The following CTSH variants were observed in gnomAD, a reference collection of about 807,000 sequenced individuals.
The protein encoded by CTSH is cathepsin H, also known as pro-cathepsin H.
CTSH carries 52 observed loss-of-function variants against 56.3 expected under a neutral mutation model. The ratio of observed to expected loss-of-function variants is 0.92; its 90% confidence interval spans 0.74 to 1.16. The LOEUF (loss-of-function observed/expected upper bound fraction) is 1.16. Among genes scored for constraint, CTSH ranks in the 50% most tolerant of loss-of-function variants. The pLI is 0.00. For missense variants in CTSH, 406 were observed against 424.5 expected (o/e 0.96, Z 0.38); for synonymous variants, 174 against 155.7 (o/e 1.12, Z -0.88).
At chr15:78,929,631 C>T in intron 7 of CTSH, 138 bp from the exon 8 acceptor site, 1 of 581,844 alleles carries the variant, frequency 1.7e-6, no homozygotes, top group Non-Finnish European at 3.1e-6. Flanking sequence ...GAGGGGGTCT[C>T]TGAGAGGCCC....
Position 78,931,502 on chromosome 15 carries a change from TCC to T in CTSH, c.495_496del (p.Glu166ThrfsTer12). 6.2e-7 allele frequency: 1 copy of T among 1,614,192 alleles called. No individual in the cohort carries two copies. The highest frequency in any genetic ancestry group is 1.6e-4 in the Middle Eastern group (1 of 6,062). Reference sequence around the variant, plus strand: ...CTGGGCGCAGTCCACCAGCTGCTGTTCCGCCTGGAAGAAGGACACAACCCAGT... The same window carrying T: ...CTGGGCGCAGTCCACCAGCTGCTGTTGCCTGGAAGAAGGACACAACCCAGT... On this transcript the variant is annotated frameshift_variant and splice_region_variant, in exon 7 of 12. Transcript: ENST00000220166. LOFTEE classifies it high-confidence loss of function.
At chr15:78,939,306 T>A in intron 1 of CTSH, 135 bp from the exon 2 acceptor site, 1 of 632,138 alleles carries the variant, frequency 1.6e-6, no homozygotes, top group East Asian at 3.1e-5. Flanking sequence ...TGGTGTTATA[T>A]AATGCAGAAT....
rs1249008865 is a variant in CTSH at position 78,937,443 on chromosome 15, T to C, written c.124-20A>G. 1.3e-6 allele frequency: 2 copies of C among 1,599,272 alleles called. No homozygotes were observed. Among genetic ancestry groups the C allele is most frequent in the African/African-American group, 1.3e-5 (1 of 74,618 alleles). ...ACGGTGCTAAAACAAAACACGCCAG[T>C]AGCAAGTCATGGAAACAGGCTGCAG... On this transcript the variant is annotated intron_variant, in intron 2 of 11. Transcript: ENST00000220166.
intron 5 of CTSH, 130 bp from the exon 6 acceptor site, chr15:78,932,588 C>T (rs2055087259): frequency 1.8e-5 from 12 of 662,472 alleles, no homozygotes; most frequent in Non-Finnish European, 2.9e-5. Context: ...TTTACCAAGC[C>T]CTGTTCCAGA....
intron 2 of CTSH, chr15:78,937,782 C>A (rs2055207627): frequency 7.7e-7 from 1 of 1,305,088 alleles, no homozygotes; most frequent in Non-Finnish European, 1.0e-6. Context: ...ACTGGTGTTC[C>A]CCAACTGATT....
intron 10 of CTSH, among the ~76,000 whole-genome samples, chr15:78,924,752 C>T (rs1366143403): frequency 2.7e-5 from 4 of 150,934 alleles, no homozygotes; most frequent in South Asian, 2.1e-4. Flanking sequence ...TGCAGTGGCA[C>T]GATCTTGGCT....
intron 5 of CTSH, among the ~76,000 whole-genome samples, chr15:78,933,739 T>A (rs1734264063): frequency 6.6e-6 from 1 of 152,196 alleles, no homozygotes; most frequent in African/African-American, 2.4e-5. Flanking sequence ...ACCTTGGACC[T>A]CAGGCAAACC....
intron 8 of CTSH, 65 bp from the exon 9 acceptor site, chr15:78,927,846 G>T: frequency 7.5e-7 from 1 of 1,330,690 alleles, no homozygotes; most frequent in Non-Finnish European, 1.1e-6. Context: ...TCCCCACGCA[G>T]TTCAATAACA....
intron 10 of CTSH, among the ~76,000 whole-genome samples, chr15:78,924,503 TGAAG>T (rs1200448716): frequency 6.6e-6 from 1 of 151,768 alleles, no homozygotes; most frequent in Non-Finnish European, 1.5e-5. Flanking sequence ...CAGCAACTGA[TGAAG>T]GGAGGGAAAT....
At chr15:78,940,716 TG>T (rs2055270288) in intron 1 of CTSH, among the ~76,000 whole-genome samples, 1 of 152,152 alleles carries the variant, frequency 6.6e-6, no homozygotes, top group Non-Finnish European at 1.5e-5. Flanking sequence ...CCCAGCACTT[TG>T]GGAGGCCAAG....
At chr15:78,926,057 G>A (rs2054897327) in intron 9 of CTSH, 1 of 152,598 alleles carries the variant, frequency 6.6e-6, no homozygotes, top group South Asian at 2.1e-4. Context: ...AACTACAACA[G>A]TATCTGCAGG....
Position 78,923,135 on chromosome 15 carries a change from A to G in CTSH, c.807-17T>C. ...CAGGAAGTACTGGAAAACAAAATTC[A>G]AAAAGAGGTGATCATATGGGAAGGA... On this transcript the variant is annotated splice_polypyrimidine_tract_variant and intron_variant, in intron 10 of 11. Transcript: ENST00000220166. 1.2e-6 allele frequency: 2 copies of G among 1,612,578 alleles called. No homozygotes were observed. The highest frequency in any genetic ancestry group is 1.7e-5 in the Admixed American group (1 of 59,498).
Position 78,929,554 on chromosome 15 carries a change from G to A in CTSH, c.549-61C>T, listed in dbSNP as rs189846777. 279 of 1,221,926 alleles carry A rather than the reference G, an allele frequency of 2.3e-4. 1 individual carries two copies. In the East Asian group the frequency reaches 4.9e-3, roughly 22 times the overall value. The allele number at this position is 1,221,926 out of a possible 1,614,324, so 75.7% of individuals were successfully genotyped here. On this transcript the variant is annotated intron_variant, in intron 7 of 11. Coordinates refer to ENST00000220166, the MANE Select transcript of CTSH (RefSeq NM_004390.5). ...CTGTCCTGATAGAGGCGGGGCCCTC[G>A]GGGACTGGCGTGGCGAGATATCTGG...
chr15:78,929,272 G>T, intron 8 of CTSH, 140 bp downstream of exon 8: 1 of 716,194 alleles, frequency 1.4e-6, no homozygotes, highest in Non-Finnish European at 2.5e-6. Flanking sequence ...GGGGAAGGAA[G>T]AATTTGGAGA....
chr15:78,924,361 A>G (rs1488945988), intron 10 of CTSH, among the ~76,000 whole-genome samples: 1 of 152,128 alleles, frequency 6.6e-6, no homozygotes, highest in Non-Finnish European at 1.5e-5. Flanking sequence ...CAGAAGGCAG[A>G]CAGCTCCCAG....
At chr15:78,922,468 C>T (rs1047494849) in intron 11 of CTSH, among the ~76,000 whole-genome samples, 2 of 152,170 alleles carry the variant, frequency 1.3e-5, no homozygotes, top group South Asian at 4.1e-4. Flanking sequence ...CCCTCTTAGC[C>T]CTGGCCGGGC....
Position 78,939,191 on chromosome 15 carries a change from A to G in CTSH, c.92-20T>C. Reference sequence around the variant, plus strand: ...ACTTCTCTGTAAAAAGAAAAAAAAAATTAGGTCTGGGCGCATCACAGTAAT... The same window carrying G: ...ACTTCTCTGTAAAAAGAAAAAAAAAGTTAGGTCTGGGCGCATCACAGTAAT... On this transcript the variant is annotated intron_variant, in intron 1 of 11. Coordinates refer to ENST00000220166, the MANE Select transcript of CTSH (RefSeq NM_004390.5). 6.3e-7 allele frequency: 1 copy of G among 1,590,204 alleles called. No individual in the cohort carries two copies. The highest frequency in any genetic ancestry group is 1.2e-5 in the South Asian group (1 of 86,206).
At chr15:78,934,685 T>A (rs1044912747) in intron 5 of CTSH, among the ~76,000 whole-genome samples, 2 of 152,148 alleles carry the variant, frequency 1.3e-5, no homozygotes, top group Admixed American at 6.5e-5. Flanking sequence ...AACATAACGT[T>A]TTGGATGGCT....
At chr15:78,923,196 T>G in intron 10 of CTSH, 78 bp from the exon 11 acceptor site, 2 of 1,546,430 alleles carry the variant, frequency 1.3e-6, no homozygotes, top group Non-Finnish European at 1.8e-6. Flanking sequence ...CAACGCCTCT[T>G]TGAGCGCTTT....
Sources: allele counts gnomAD v4.1 joint callset (sites outside exome capture counted in the v4.1 genomes callset), GRCh38; gene constraint gnomAD v4.1.1; transcripts MANE v1.5; gene names NCBI Gene and HGNC (gene_info 2026-07-23, HGNC 2026-07-21).